Variants in PTPRD observed in about 807,000 individuals in gnomAD.
The protein encoded by PTPRD is receptor-type tyrosine-protein phosphatase delta.
PTPRD carries 34 observed loss-of-function variants against 214.5 expected under a neutral mutation model. That is an observed-to-expected ratio of 0.16 (90% CI 0.12 to 0.21). The LOEUF is 0.21. Among genes scored for constraint, PTPRD ranks in the 10% least tolerant of loss-of-function variants. The pLI is 1.00. For missense variants in PTPRD, 2,545 were observed against 2,398.7 expected, an observed-to-expected ratio of 1.06 and a Z score of -1.27; for synonymous variants, 1,128 against 845.7, an observed-to-expected ratio of 1.33 and a Z score of -5.79.
intron 3 of PTPRD, among the ~76,000 whole-genome samples, chr9:10,287,455 G>T (rs977415943): frequency 6.6e-6 from 1 of 152,090 alleles, no homozygotes. Context: ...GACTGTTTCT[G>T]GTTAAATGAC....
intron 5 of PTPRD, among the ~76,000 whole-genome samples, chr9:9,857,909 TTTTTTCA>T (rs3050112): frequency 0.13 from 19,922 of 152,210 alleles, 1,650 homozygotes; most frequent in Non-Finnish European, 0.18. Flanking sequence ...AATACTCTAC[TTTTTTCA>T]TAAAGTAAAT....
rs562916148 is a variant in PTPRD, at chr9:8,851,264, C to A, written c.-103-117318G>T. Among the ~76,000 whole-genome samples the A allele has an allele frequency of 2.6e-4, 40 of 151,368 alleles. 1 individual carries two copies. The highest frequency in any genetic ancestry group is 9.5e-4 in the African/African-American group (39 of 41,178). The stretch of plus-strand genomic sequence containing the variant: ...TAATTAACTGCTTTTCTAAACATTT[C>A]TTCCCCCAAACTGAAACTCCAAATC... On this transcript the variant is annotated intron_variant, in intron 11 of 45. Coordinates refer to ENST00000381196, the MANE Select transcript of PTPRD (RefSeq NM_002839.4).
chr9:9,983,077 T>G (rs777196527), intron 4 of PTPRD, among the ~76,000 whole-genome samples: 5 of 150,934 alleles, frequency 3.3e-5, no homozygotes, highest in Non-Finnish European at 5.9e-5. Context: ...AAAAAAAAAC[T>G]TTATTACTGG....
intron 9 of PTPRD, among the ~76,000 whole-genome samples, chr9:9,349,758 T>G (rs79819166): frequency 7.8e-6 from 1 of 127,952 alleles, no homozygotes; most frequent in Non-Finnish European, 1.5e-5. Context: ...CCATCACATG[T>G]TTTTTTTTTG....
intron 3 of PTPRD, among the ~76,000 whole-genome samples, chr9:10,247,777 C>T (rs967752031): frequency 2.6e-5 from 4 of 151,980 alleles, no homozygotes; most frequent in Non-Finnish European, 5.9e-5. Flanking sequence ...AGGATTATGT[C>T]CCTGATGGTA....
chr9:9,919,665 A>G (rs181485711), intron 5 of PTPRD, among the ~76,000 whole-genome samples: 1 of 152,282 alleles, frequency 6.6e-6, no homozygotes, highest in Admixed American at 6.5e-5. Flanking sequence ...TTGCAGCTTA[A>G]TGATTTGCAT....
In PTPRD at chr9:10,602,404, T is replaced by G. The variant is rs186642945; in HGVS notation, c.-600+9994A>C. Among the ~76,000 whole-genome samples, 625 of 151,804 alleles carry G rather than the reference T, an allele frequency of 4.1e-3. 23 individuals carry two copies. Among genetic ancestry groups the G allele is most frequent in the Admixed American group, 0.038 (582 of 15,222 alleles). On this transcript the variant is annotated intron_variant, in intron 2 of 45. Coordinates refer to ENST00000381196, the MANE Select transcript of PTPRD (RefSeq NM_002839.4). Reference sequence around the variant, plus strand: ...AAGCCCAATAAATGTTTACTGAGGATTATTTTATTCAACTTTTTAAAAAAA... The same window carrying G: ...AAGCCCAATAAATGTTTACTGAGGAGTATTTTATTCAACTTTTTAAAAAAA...
chr9:10,039,741 T>A (rs937170705), intron 3 of PTPRD, among the ~76,000 whole-genome samples: 1 of 151,176 alleles, frequency 6.6e-6, no homozygotes, highest in Non-Finnish European at 1.5e-5. Flanking sequence ...ATTATTCTGC[T>A]TTAACCCCTT....
At chr9:9,140,242 T>C (rs1279891071) in intron 10 of PTPRD, among the ~76,000 whole-genome samples, 2 of 152,074 alleles carry the variant, frequency 1.3e-5, no homozygotes, top group Non-Finnish European at 2.9e-5. Flanking sequence ...CCTGTTTGGC[T>C]GTTTTCCAGC....
At chr9:9,270,534 A>G (rs1246552843) in intron 9 of PTPRD, among the ~76,000 whole-genome samples, 2 of 151,396 alleles carry the variant, frequency 1.3e-5, no homozygotes, top group Non-Finnish European at 3.0e-5. Context: ...GACGTGGCTG[A>G]GTGTGAACTA....
At chr9:9,247,570 T>A (rs1389739509) in intron 9 of PTPRD, among the ~76,000 whole-genome samples, 1 of 152,028 alleles carries the variant, frequency 6.6e-6, no homozygotes, top group Non-Finnish European at 1.5e-5. Flanking sequence ...AATTTAAAAT[T>A]TCTTTTCTTC....
chr9:10,153,686 C>A (rs2099076156), intron 3 of PTPRD, among the ~76,000 whole-genome samples: 1 of 152,072 alleles, frequency 6.6e-6, no homozygotes. Context: ...AATTCTTTCT[C>A]TCCCACCCTT....
chr9:10,158,255 C>T (rs1051002204), intron 3 of PTPRD, among the ~76,000 whole-genome samples: 1 of 152,152 alleles, frequency 6.6e-6, no homozygotes, highest in Admixed American at 6.6e-5. Context: ...GATCTGCCCA[C>T]TTCGGCCCCC....
At chr9:10,558,726 T>C (rs2063177721) in intron 2 of PTPRD, among the ~76,000 whole-genome samples, 1 of 152,120 alleles carries the variant, frequency 6.6e-6, no homozygotes, top group Non-Finnish European at 1.5e-5. Context: ...GACCAGCACA[T>C]AGTACAACCT....
At chr9:9,947,011 G>T (rs2092653756) in intron 4 of PTPRD, among the ~76,000 whole-genome samples, 2 of 151,456 alleles carry the variant, frequency 1.3e-5, no homozygotes, top group African/African-American at 4.8e-5. Context: ...TGCTTGTGAA[G>T]ATCAGAAAAT....
chr9:8,999,494 A>C (rs182241994), intron 11 of PTPRD, among the ~76,000 whole-genome samples: 35 of 152,214 alleles, frequency 2.3e-4, no homozygotes, highest in African/African-American at 7.7e-4. Context: ...AATGCTATCA[A>C]ACACTTAATA....
intron 3 of PTPRD, among the ~76,000 whole-genome samples, chr9:10,143,297 A>T (rs968130988): frequency 1.3e-5 from 2 of 151,970 alleles, no homozygotes; most frequent in African/African-American, 4.8e-5. Flanking sequence ...AATAAAATAA[A>T]ATAAAAAAAT....
intron 12 of PTPRD, among the ~76,000 whole-genome samples, chr9:8,688,426 G>A (rs1327175243): frequency 2.6e-5 from 4 of 152,086 alleles, no homozygotes; most frequent in Non-Finnish European, 2.9e-5. Context: ...TTAGCCGGGC[G>A]TGGTGGTGGG....
chr9:8,382,296 A>T (rs1168599590), intron 37 of PTPRD, among the ~76,000 whole-genome samples: 1 of 152,232 alleles, frequency 6.6e-6, no homozygotes, highest in African/African-American at 2.4e-5. Flanking sequence ...AACACTAGTA[A>T]ACAGAGATTA....
Sources: gnomAD v4.1 joint callset for allele counts (sites outside exome capture counted in the v4.1 genomes callset) on GRCh38, gnomAD v4.1.1 for gene constraint, MANE v1.5 for transcripts, NCBI Gene and HGNC (gene_info 2026-07-23, HGNC 2026-07-21) for gene names.